Variants in PIK3AP1 observed in about 807,000 individuals in gnomAD.
PIK3AP1 encodes phosphoinositide 3-kinase adapter protein 1.
Under a neutral mutation model 88.1 loss-of-function variants are expected in PIK3AP1, and 21 were observed. The observed-to-expected ratio is 0.24, with a 90% CI of 0.17 to 0.34. The LOEUF (loss-of-function observed/expected upper bound fraction) is 0.34, where lower values mean the gene tolerates loss of function less well. Ranked by LOEUF, PIK3AP1 falls within the 10% of genes least tolerant of loss-of-function variation. The pLI is 1.00. For missense variants in PIK3AP1, 828 were observed against 1,035.7 expected (o/e 0.80, Z 2.75); for synonymous variants, 398 against 400.0 (o/e 1.00, Z 0.06).
chr10:96,705,890 T>TG (rs1564990282), intron 2 of PIK3AP1, among the ~76,000 whole-genome samples: 15 of 127,788 alleles, frequency 1.2e-4, no homozygotes, highest in African/African-American at 4.6e-4. Flanking sequence ...AGTTGTTTTT[T>TG]TTTTTTTTTT....
chr10:96,657,342 G>C (rs893494864), intron 2 of PIK3AP1, among the ~76,000 whole-genome samples: 25 of 152,200 alleles, frequency 1.6e-4, no homozygotes, highest in African/African-American at 6.0e-4. Context: ...GGAACATCAA[G>C]TAAAACCTGC....
At chr10:96,686,439 C>T (rs1314609614) in intron 2 of PIK3AP1, among the ~76,000 whole-genome samples, 1 of 152,144 alleles carries the variant, frequency 6.6e-6, no homozygotes, top group East Asian at 1.9e-4. Context: ...GAGTTTTACC[C>T]GTGGATGTAC....
intron 7 of PIK3AP1, among the ~76,000 whole-genome samples, chr10:96,646,535 G>A (rs1843462675): frequency 2.6e-5 from 4 of 152,060 alleles, no homozygotes; most frequent in African/African-American, 9.7e-5. Context: ...GACTAGCCAC[G>A]CAGAAATTCA....
At chr10:96,666,698 A>T (rs1843767543) in intron 2 of PIK3AP1, among the ~76,000 whole-genome samples, 1 of 152,072 alleles carries the variant, frequency 6.6e-6, no homozygotes, top group Non-Finnish European at 1.5e-5. Context: ...CCCATTTGTT[A>T]AATATTATGG....
At chr10:96,714,995 A>G (rs1844484015) in intron 1 of PIK3AP1, among the ~76,000 whole-genome samples, 2 of 151,682 alleles carry the variant, frequency 1.3e-5, no homozygotes, top group Admixed American at 6.6e-5. Context: ...GGCTGTGTCA[A>G]GTGAGTTCTT....
chr10:96,626,960 A>G, intron 9 of PIK3AP1, 55 bp from the exon 10 acceptor site: 1 of 1,509,770 alleles, frequency 6.6e-7, no homozygotes, highest in Non-Finnish European at 9.2e-7. Context: ...CTGGGTGATC[A>G]TCAGTCATAA....
intron 8 of PIK3AP1, among the ~76,000 whole-genome samples, chr10:96,629,930 A>AAGAAGAAGAAG (rs1554955594): frequency 1.1e-3 from 15 of 13,724 alleles, no homozygotes; most frequent in African/African-American, 2.6e-3. Flanking sequence ...AAAAAAAAAA[A>AAGAAGAAGAAG]AAGAAGAAGA....
rs912284760 is a variant in PIK3AP1, at chr10:96,698,662, G to A, written c.430+10905C>T. Among the ~76,000 whole-genome samples the A allele has an allele frequency of 5.3e-5, 8 of 152,284 alleles. No individual in the cohort carries two copies. In the South Asian group the frequency reaches 1.4e-3, roughly 28 times the overall value. ...GCAAGAGAACTGCTTGAACCTGAGA[G>A]GGAGAGGTTGCGGTGAGCAGAGATC... On this transcript the variant is annotated intron_variant, in intron 2 of 16. Coordinates refer to ENST00000339364, the MANE Select transcript of PIK3AP1 (RefSeq NM_152309.3).
chr10:96,616,755 A>G (rs2134197032), intron 12 of PIK3AP1, 44 bp from the exon 13 acceptor site: 1 of 1,554,038 alleles, frequency 6.4e-7, no homozygotes, highest in Non-Finnish European at 8.9e-7. Flanking sequence ...CAACAGGATG[A>G]TACCCTCTGG....
intron 2 of PIK3AP1, among the ~76,000 whole-genome samples, chr10:96,671,964 A>G (rs1022272802): frequency 6.6e-6 from 1 of 152,136 alleles, no homozygotes; most frequent in African/African-American, 2.4e-5. Context: ...CCTGAGCCCA[A>G]GGAGATCAAA....
chr10:96,597,520 T>C (rs1224788331), intron 16 of PIK3AP1, among the ~76,000 whole-genome samples: 1 of 151,858 alleles, frequency 6.6e-6, no homozygotes, highest in Non-Finnish European at 1.5e-5. Context: ...AGGCAAAAAA[T>C]CAGTAAACTC....
At chr10:96,662,738 C>T (rs1027927151) in intron 2 of PIK3AP1, among the ~76,000 whole-genome samples, 1 of 149,512 alleles carries the variant, frequency 6.7e-6, no homozygotes, top group African/African-American at 2.5e-5. Flanking sequence ...AAAAATTAGC[C>T]GGGCGCGGTG....
chr10:96,634,863 C>CTATA (rs1384518971), intron 8 of PIK3AP1, among the ~76,000 whole-genome samples: 1 of 152,164 alleles, frequency 6.6e-6, no homozygotes, highest in Non-Finnish European at 1.5e-5. Flanking sequence ...TTTCTGGAAG[C>CTATA]TATAGAGGAG....
At chr10:96,632,891 A>G in intron 8 of PIK3AP1, 3 of 1,611,894 alleles carry the variant, frequency 1.9e-6, no homozygotes, top group South Asian at 2.2e-5. Context: ...GACTCACAAG[A>G]TGACCCTGGG....
At chr10:96,701,078 G>A (rs182248525) in intron 2 of PIK3AP1, among the ~76,000 whole-genome samples, 2 of 152,358 alleles carry the variant, frequency 1.3e-5, no homozygotes, top group African/African-American at 4.8e-5. Flanking sequence ...CCAACTTGAA[G>A]GCTTTTTCAA....
chr10:96,662,830 C>T (rs1416826014), intron 2 of PIK3AP1, among the ~76,000 whole-genome samples: 1 of 125,496 alleles, frequency 8.0e-6, no homozygotes, highest in Non-Finnish European at 1.6e-5. Context: ...TGCAGTGAGC[C>T]GAGATTGCGC....
intron 2 of PIK3AP1, among the ~76,000 whole-genome samples, chr10:96,686,508 G>A (rs1844070328): frequency 6.6e-6 from 1 of 152,310 alleles, no homozygotes; most frequent in African/African-American, 2.4e-5. Context: ...CAGAATTTGA[G>A]TTGGATGGGC....
intron 8 of PIK3AP1, among the ~76,000 whole-genome samples, chr10:96,630,698 CT>C (rs1843232911): frequency 6.6e-6 from 1 of 151,740 alleles, no homozygotes; most frequent in Non-Finnish European, 1.5e-5. Flanking sequence ...AAAAAATTGG[CT>C]GGGCATGGTG....
At chr10:96,634,265 G>A (rs988184847) in intron 8 of PIK3AP1, among the ~76,000 whole-genome samples, 5 of 152,184 alleles carry the variant, frequency 3.3e-5, no homozygotes, top group African/African-American at 1.2e-4. Flanking sequence ...GAGGAGAGAG[G>A]GGGTGGTCTC....
Sources: gnomAD v4.1 joint callset for allele counts (sites outside exome capture counted in the v4.1 genomes callset) on GRCh38, gnomAD v4.1.1 for gene constraint, MANE v1.5 for transcripts, NCBI Gene and HGNC (gene_info 2026-07-23, HGNC 2026-07-21) for gene names.